The following CYP4F3 variants were observed in gnomAD, a reference collection of about 807,000 sequenced individuals.
CYP4F3 encodes the protein cytochrome P450 family 4 subfamily F member 3.
In CYP4F3, 50 loss-of-function variants were observed where a neutral mutation model predicts 54.8. That is an observed-to-expected ratio of 0.91 (90% CI 0.73 to 1.16). The LOEUF (loss-of-function observed/expected upper bound fraction) is 1.16. Among genes scored for constraint, CYP4F3 ranks in the 50% most tolerant of loss-of-function variants. CYP4F3 has a pLI of 0.00. For missense variants in CYP4F3, 715 were observed against 676.2 expected, an observed-to-expected ratio of 1.06 and a Z score of -0.64; for synonymous variants, 244 against 262.6, an observed-to-expected ratio of 0.93 and a Z score of 0.69.
chr19:15,659,329 G>T lies in CYP4F3; in HGVS notation c.1507G>T (p.Glu503Ter). ...PDHTEPRRKP[E>*]LVLRAEGGLW... ...CCACACCGAGCCCCGCAGGAAGCCG[G>T]AGCTGGTCCTGCGCGCAGAGGGCGG... is the stretch of plus-strand genomic sequence containing the variant. Residue 503 changes from glutamate to a stop codon, truncating the protein, a stop_gained, in exon 13 of 13, where the codon GAG becomes TAG. Transcript: ENST00000221307. LOFTEE classifies it high-confidence loss of function. The T allele has an allele frequency of 6.2e-7, 1 of 1,613,650 alleles. No homozygotes were observed. Among genetic ancestry groups the T allele is most frequent in the Non-Finnish European group, 8.5e-7 (1 of 1,179,838 alleles).
rs762727279 is a variant in CYP4F3 at position 15,641,465 on chromosome 19, C to G, written c.50C>G (p.Ser17Cys). ...CTGGGCCTTTGGCCAATGGCAGCAT[C>G]CCCGTGGCTGCTCCTGCTGCTGGTT... Reference protein sequence around the residue: ...SSLGLWPMAASPWLLLLLVGA... With the variant: ...SSLGLWPMAACPWLLLLLVGA... The change falls in exon 2 of 13, where the codon TCC becomes TGC. Residue 17 changes from serine to cysteine, a missense_variant. Ser to Cys is a moderately radical substitution (Grantham distance 112, BLOSUM62 -1). Transcript: ENST00000221307. 1 of 1,614,220 alleles carries G rather than the reference C, an allele frequency of 6.2e-7. No homozygotes were observed. Among genetic ancestry groups the G allele is most frequent in the Non-Finnish European group, 8.5e-7 (1 of 1,180,044 alleles).
chr19:15,641,886 G>T (rs1419700148), intron 2 of CYP4F3, among the ~76,000 whole-genome samples: 3 of 152,114 alleles, frequency 2.0e-5, no homozygotes, highest in African/African-American at 4.8e-5. Context: ...TGGGCAGGGG[G>T]TTGGGTGCAC....
intron 5 of CYP4F3, 27 bp downstream of exon 5, chr19:15,647,351 G>C: frequency 1.2e-6 from 2 of 1,613,616 alleles, no homozygotes; most frequent in South Asian, 1.1e-5. Context: ...CAAGGTCCCA[G>C]CTGCAGCCTT....
chr19:15,644,131 GC>G, intron 2 of CYP4F3: 1 of 1,426,586 alleles, frequency 7.0e-7, no homozygotes, highest in Non-Finnish European at 9.2e-7. Flanking sequence ...GCCGTGTGTG[GC>G]CCCTGCAGTA....
rs1972460042 is a variant in CYP4F3, at chr19:15,641,458, G to A, written c.43G>A (p.Ala15Thr). Residue 15 changes from alanine to threonine, a missense_variant, in exon 2 of 13, where the codon GCA becomes ACA. Ala to Thr is a moderately conservative substitution (Grantham distance 58, BLOSUM62 0). Coordinates refer to ENST00000221307, the MANE Select transcript of CYP4F3 (RefSeq NM_000896.3). ...SLSSLGLWPM[A>T]ASPWLLLLLV... ...GTCCTCGCTGGGCCTTTGGCCAATG[G>A]CAGCATCCCCGTGGCTGCTCCTGCT... 2 of 1,614,190 alleles carry A rather than the reference G, an allele frequency of 1.2e-6. No homozygotes were observed. The highest frequency in any genetic ancestry group is 1.7e-5 in the Admixed American group (1 of 60,030).
At chr19:15,654,321 A>G (rs1051750865) in intron 9 of CYP4F3, among the ~76,000 whole-genome samples, 2 of 152,248 alleles carry the variant, frequency 1.3e-5, no homozygotes, top group South Asian at 2.1e-4. Context: ...TAATTGATAA[A>G]GATCAAATCA....
chr19:15,649,843 C>G, intron 6 of CYP4F3, 70 bp from the exon 7 acceptor site: 1 of 1,577,186 alleles, frequency 6.3e-7, no homozygotes, highest in Non-Finnish European at 8.6e-7. Flanking sequence ...CTCCTAGCTG[C>G]TGGTGGGAGG....
chr19:15,641,950 C>A (rs1163887564), intron 2 of CYP4F3, among the ~76,000 whole-genome samples: 2 of 152,134 alleles, frequency 1.3e-5, no homozygotes, highest in Non-Finnish European at 2.9e-5. Context: ...CTCGAGGCCT[C>A]CTGTACCCAC....
In CYP4F3 at chr19:15,662,106, A is replaced by C. The variant is rs2144686465; in HGVS notation, c.*2721A>C. 1 of 151,946 alleles carries C rather than the reference A, an allele frequency of 6.6e-6. No individual in the cohort carries two copies. Among genetic ancestry groups the C allele is most frequent in the South Asian group, 2.1e-4 (1 of 4,810 alleles). 9.4% of individuals were successfully genotyped at this position (151,946 alleles called of 1,614,324 possible). On this transcript the variant is annotated 3_prime_UTR_variant, in exon 13 of 13. Transcript: ENST00000221307. The stretch of plus-strand genomic sequence containing the variant: ...GCCAATATGGTGAAACCACGTCTCT[A>C]TTAAAAATAGAAAAATTAGCCAGGC...
intron 9 of CYP4F3, among the ~76,000 whole-genome samples, chr19:15,657,809 C>G (rs1183747175): frequency 6.6e-6 from 1 of 152,044 alleles, no homozygotes; most frequent in East Asian, 1.9e-4. Context: ...TATTTTTCCT[C>G]TTTTTCTTTG....
At chr19:15,654,788 C>T (rs536440085) in intron 9 of CYP4F3, among the ~76,000 whole-genome samples, 3 of 152,306 alleles carry the variant, frequency 2.0e-5, no homozygotes, top group Admixed American at 6.5e-5. Context: ...TCCATATTTT[C>T]GTTGTTGTGA....
intron 2 of CYP4F3, chr19:15,644,113 A>C: frequency 6.8e-7 from 1 of 1,460,446 alleles, no homozygotes; most frequent in Non-Finnish European, 9.0e-7. Flanking sequence ...AAGTCCCTCT[A>C]TCCCCAAGCC....
chr19:15,649,141 T>A lies in CYP4F3; in HGVS notation c.526-19T>A. 6.2e-7 allele frequency: 1 copy of A among 1,612,946 alleles called. No homozygotes were observed. Among genetic ancestry groups the A allele is most frequent in the Non-Finnish European group, 8.5e-7 (1 of 1,179,152 alleles). ...GGGAGCAAGGGACCTGCCCCAGCTC[T>A]GTCCCCTTCTCTGGCTAGGCCAAGT... is the stretch of plus-strand genomic sequence containing the variant. On this transcript the variant is annotated intron_variant, in intron 5 of 12. Transcript: ENST00000221307.
At chr19:15,655,971 A>C (rs1342166865) in intron 9 of CYP4F3, among the ~76,000 whole-genome samples, 2 of 152,210 alleles carry the variant, frequency 1.3e-5, no homozygotes, top group African/African-American at 4.8e-5. Flanking sequence ...AATACAATAC[A>C]TTGTTCACTA....
intron 2 of CYP4F3, among the ~76,000 whole-genome samples, chr19:15,642,635 C>T (rs192279437): frequency 6.6e-6 from 1 of 152,320 alleles, no homozygotes; most frequent in East Asian, 1.9e-4. Context: ...GCTAAGTGGG[C>T]CTCTGTGAGT....
intron 5 of CYP4F3, 58 bp downstream of exon 5, chr19:15,647,382 C>A (rs974491545): frequency 6.2e-7 from 1 of 1,605,354 alleles, no homozygotes; most frequent in African/African-American, 1.3e-5. Context: ...GAACCACAGA[C>A]AGATCTAGTC....
rs1361388621 is a variant in CYP4F3 at position 15,647,293 on chromosome 19, A to T, written c.494A>T (p.Lys165Met). 1 of 1,614,172 alleles carries T rather than the reference A, an allele frequency of 6.2e-7. No homozygotes were observed. Among genetic ancestry groups the T allele is most frequent in the South Asian group, 1.1e-5 (1 of 91,082 alleles). The part of the protein sequence containing the change: ...FHFNILKPYM[K>M]IFNESVNIMH... ...TTCAACATCCTGAAGCCCTATATGA[A>T]GATTTTCAATGAGAGTGTGAACATC... The change falls in exon 5 of 13, where the codon AAG becomes ATG. Residue 165 changes from lysine to methionine, a missense_variant. Transcript: ENST00000221307.
intron 6 of CYP4F3, 85 bp from the exon 7 acceptor site, chr19:15,649,828 G>C (rs1972733807): frequency 6.4e-7 from 1 of 1,562,872 alleles, no homozygotes; most frequent in Admixed American, 1.8e-5. Flanking sequence ...ACTGATAGGA[G>C]GTAGCTCCTA....
chr19:15,642,238 C>T (rs912159917), intron 2 of CYP4F3, among the ~76,000 whole-genome samples: 7 of 152,238 alleles, frequency 4.6e-5, no homozygotes, highest in African/African-American at 7.2e-5. Context: ...AACGTGGTCT[C>T]AATCTGCTCA....
Sources: allele counts gnomAD v4.1 joint callset (sites outside exome capture counted in the v4.1 genomes callset), GRCh38; gene constraint gnomAD v4.1.1; transcripts MANE v1.5; gene names NCBI Gene and HGNC (gene_info 2026-07-23, HGNC 2026-07-21).